MYO5B: variants seen among roughly 807,000 people sequenced by gnomAD.
MYO5B encodes myosin VB.
A neutral mutation model predicts 229.3 loss-of-function variants in MYO5B; 143 were observed. That is an observed-to-expected ratio of 0.62 (90% CI 0.54 to 0.72). The LOEUF is 0.72. Among genes scored for constraint, MYO5B ranks in the 30% least tolerant of loss-of-function variants. The pLI, the probability that MYO5B is intolerant of heterozygous loss-of-function variation, is 0.00. For missense variants in MYO5B, 2,321 were observed against 2,331.0 expected, an observed-to-expected ratio of 1.00 and a Z score of 0.09; for synonymous variants, 918 against 885.2, an observed-to-expected ratio of 1.04 and a Z score of -0.66.
chr18:49,898,228 T>G (rs1048398363), intron 21 of MYO5B, among the ~76,000 whole-genome samples: 1 of 152,242 alleles, frequency 6.6e-6, no homozygotes, highest in Admixed American at 6.5e-5. Flanking sequence ...GATGCATGAC[T>G]GTATATGACA....
chr18:49,949,246 G>A (rs1202387029), intron 14 of MYO5B, among the ~76,000 whole-genome samples: 2 of 151,882 alleles, frequency 1.3e-5, no homozygotes, highest in Non-Finnish European at 2.9e-5. Context: ...AATCTTCAGA[G>A]GAAAAACATT....
intron 1 of MYO5B, among the ~76,000 whole-genome samples, chr18:50,140,296 A>G (rs2032398582): frequency 6.6e-6 from 1 of 152,240 alleles, no homozygotes; most frequent in Non-Finnish European, 1.5e-5. Flanking sequence ...GGAAAGCAAC[A>G]CATTATCTTT....
chr18:49,884,347 T>G (rs1316856498), intron 22 of MYO5B, among the ~76,000 whole-genome samples: 1 of 152,130 alleles, frequency 6.6e-6, no homozygotes, highest in African/African-American at 2.4e-5. Flanking sequence ...ACTTTATATT[T>G]ATTATATACT....
intron 17 of MYO5B, among the ~76,000 whole-genome samples, chr18:49,916,129 A>T (rs1216139512): frequency 6.6e-6 from 1 of 152,220 alleles, no homozygotes; most frequent in Non-Finnish European, 1.5e-5. Flanking sequence ...ATTTGCATAC[A>T]CACTTGCTTT....
At chr18:49,993,447 A>T (rs1335274836) in intron 5 of MYO5B, among the ~76,000 whole-genome samples, 1 of 152,068 alleles carries the variant, frequency 6.6e-6, no homozygotes, top group Admixed American at 6.6e-5. Context: ...CACAAAGTTG[A>T]CCTAAAACTA....
intron 22 of MYO5B, among the ~76,000 whole-genome samples, chr18:49,884,693 C>T (rs910312436): frequency 6.6e-6 from 1 of 152,116 alleles, no homozygotes; most frequent in South Asian, 2.1e-4. Flanking sequence ...TGCTGTGCGG[C>T]CTGGTTCCTG....
intron 16 of MYO5B, among the ~76,000 whole-genome samples, chr18:49,931,547 G>A (rs1002897415): frequency 6.6e-6 from 1 of 152,152 alleles, no homozygotes; most frequent in Non-Finnish European, 1.5e-5. Flanking sequence ...CTTAGTGCGA[G>A]GGCCTTACAG....
At chr18:50,174,711 A>G (rs1599078010) in intron 1 of MYO5B, among the ~76,000 whole-genome samples, 1 of 152,298 alleles carries the variant, frequency 6.6e-6, no homozygotes, top group East Asian at 1.9e-4. Flanking sequence ...CATGGCCAGA[A>G]TTAGGGGGTA....
At chr18:50,033,137 G>A (rs907654446) in intron 4 of MYO5B, among the ~76,000 whole-genome samples, 1 of 152,172 alleles carries the variant, frequency 6.6e-6, no homozygotes, top group Non-Finnish European at 1.5e-5. Flanking sequence ...CTAGCAGGGT[G>A]TAAGAATTCG....
intron 6 of MYO5B, among the ~76,000 whole-genome samples, 153 bp downstream of exon 6, chr18:49,992,135 T>C (rs1232973155): frequency 6.6e-6 from 1 of 152,222 alleles, no homozygotes; most frequent in Non-Finnish European, 1.5e-5. Flanking sequence ...GAATGAACAC[T>C]TACTGATAAA....
At chr18:49,851,949 G>A (rs916870432) in intron 31 of MYO5B, among the ~76,000 whole-genome samples, 3 of 152,128 alleles carry the variant, frequency 2.0e-5, no homozygotes, top group Non-Finnish European at 4.4e-5. Context: ...GGAGGACCAC[G>A]TTCTGGAAGG....
chr18:50,055,942 G>A (rs570178586), intron 1 of MYO5B, among the ~76,000 whole-genome samples: 1 of 152,118 alleles, frequency 6.6e-6, no homozygotes, highest in African/African-American at 2.4e-5. Context: ...TTTTCGGATG[G>A]GGTCTCACTC....
At chr18:49,925,233 C>G (rs2025116004) in intron 17 of MYO5B, among the ~76,000 whole-genome samples, 1 of 152,256 alleles carries the variant, frequency 6.6e-6, no homozygotes, top group Admixed American at 6.5e-5. Flanking sequence ...CACCCTTTAT[C>G]ATAACCCAGA....
At chr18:49,868,690 A>G (rs1164029568) in intron 27 of MYO5B, among the ~76,000 whole-genome samples, 2 of 152,114 alleles carry the variant, frequency 1.3e-5, no homozygotes, top group Admixed American at 6.5e-5. Flanking sequence ...CACCATCCCT[A>G]CCACTCATTC....
At chr18:50,096,641 C>T (rs11082802) in intron 1 of MYO5B, among the ~76,000 whole-genome samples, 37,906 of 152,110 alleles carry the variant, frequency 0.25, 5,621 homozygotes, top group African/African-American at 0.42. Flanking sequence ...CTAACTTCTA[C>T]GATGTACCCA....
At chr18:50,173,088 C>T (rs1326632238) in intron 1 of MYO5B, among the ~76,000 whole-genome samples, 1 of 152,044 alleles carries the variant, frequency 6.6e-6, no homozygotes, top group Non-Finnish European at 1.5e-5. Flanking sequence ...ACACGGCGAA[C>T]CCCGTCGCTA....
intron 1 of MYO5B, among the ~76,000 whole-genome samples, chr18:50,085,588 T>C (rs1329229112): frequency 6.6e-6 from 1 of 152,132 alleles, no homozygotes; most frequent in Non-Finnish European, 1.5e-5. Context: ...GGATTATAAA[T>C]CATGCTGCTA....
chr18:50,007,969 G>A (rs982772142), intron 4 of MYO5B, among the ~76,000 whole-genome samples: 6 of 152,180 alleles, frequency 3.9e-5, no homozygotes, highest in South Asian at 4.2e-4. Context: ...CACTGAGCCC[G>A]GATTCAAACT....
intron 32 of MYO5B, among the ~76,000 whole-genome samples, chr18:49,848,835 A>G (rs1164400310): frequency 6.6e-6 from 1 of 152,146 alleles, no homozygotes; most frequent in Non-Finnish European, 1.5e-5. Flanking sequence ...GAGATCACAG[A>G]CATCCCTGCC....
Sources: gnomAD v4.1 joint callset for allele counts (sites outside exome capture counted in the v4.1 genomes callset) on GRCh38, gnomAD v4.1.1 for gene constraint, MANE v1.5 for transcripts, NCBI Gene and HGNC (gene_info 2026-07-23, HGNC 2026-07-21) for gene names.